The following IFNGR2 variants were observed in gnomAD, a reference collection of about 807,000 sequenced individuals.
IFNGR2 encodes the protein interferon gamma receptor 2.
IFNGR2 carries 15 observed loss-of-function variants against 41.1 expected under a neutral mutation model. That is an observed-to-expected ratio of 0.37 (90% CI 0.24 to 0.56). The LOEUF (loss-of-function observed/expected upper bound fraction) is 0.56, where lower values mean the gene tolerates loss of function less well. Ranked by LOEUF, IFNGR2 falls within the 20% of genes least tolerant of loss-of-function variation. The probability of loss-of-function intolerance (pLI) is 0.81; values close to 1 mark genes in which losing one functional copy is unlikely to be tolerated. For synonymous variants in IFNGR2, 161 were observed against 171.6 expected (o/e 0.94, Z 0.48); for missense variants, 362 against 415.7 (o/e 0.87, Z 1.12).
At chr21:33,406,315 C>T (rs1447766159) in intron 1 of IFNGR2, among the ~76,000 whole-genome samples, 1 of 151,770 alleles carries the variant, frequency 6.6e-6, no homozygotes, top group African/African-American at 2.4e-5. Flanking sequence ...GGGGAGGTTG[C>T]AGTGAGCCGA....
Position 33,432,706 on chromosome 21 carries a change from CTT to C in IFNGR2, c.722-4_722-3del, listed in dbSNP as rs752966235. 1.5e-5 allele frequency: 25 copies of C among 1,614,056 alleles called. No homozygotes were observed. Among genetic ancestry groups the C allele is most frequent in the Non-Finnish European group, 3.4e-6 (4 of 1,179,970 alleles). Reference sequence around the variant, plus strand: ...ATCATTCTGTTCACTTTCGTGTCCTCTTTTTAGCCTCCACTGAGCTTCAGCAA... The same window carrying C: ...ATCATTCTGTTCACTTTCGTGTCCTCTTTAGCCTCCACTGAGCTTCAGCAA... On this transcript the variant is annotated splice_polypyrimidine_tract_variant and splice_region_variant and intron_variant, in intron 5 of 6. Transcript: ENST00000290219.
intron 3 of IFNGR2, among the ~76,000 whole-genome samples, chr21:33,422,167 G>T (rs1184785089): frequency 6.6e-6 from 1 of 152,212 alleles, no homozygotes; most frequent in African/African-American, 2.4e-5. Flanking sequence ...CACCTTGAAT[G>T]GTGCCTGGCA....
chr21:33,420,043 C>A (rs1203621636), intron 2 of IFNGR2, among the ~76,000 whole-genome samples: 1 of 152,186 alleles, frequency 6.6e-6, no homozygotes, highest in African/African-American at 2.4e-5. Context: ...ATCCCTCTCC[C>A]CATTAGGGTC....
chr21:33,403,538 G>A lies in IFNGR2; in HGVS notation c.-6G>A, dbSNP rs769756592. On this transcript the variant is annotated 5_prime_UTR_variant, in exon 1 of 7. Transcript: ENST00000290219. Reference sequence around the variant, plus strand: ...CGACCTGAGCCGCCGCCGAGCGCCCGGGGCCATGCGACCGACGCTGCTGTG... The same window carrying A: ...CGACCTGAGCCGCCGCCGAGCGCCCAGGGCCATGCGACCGACGCTGCTGTG... 2 of 1,304,456 alleles carry A rather than the reference G, an allele frequency of 1.5e-6. No homozygotes were observed. Among genetic ancestry groups the A allele is most frequent in the South Asian group, 3.8e-5 (2 of 52,876 alleles). 80.8% of individuals were successfully genotyped at this position (1,304,456 alleles called of 1,614,324 possible).
At chr21:33,431,087 A>G (rs1363500691) in intron 4 of IFNGR2, among the ~76,000 whole-genome samples, 1 of 152,150 alleles carries the variant, frequency 6.6e-6, no homozygotes, top group African/African-American at 2.4e-5. Flanking sequence ...GAGACACAGA[A>G]CCTTCCTAGA....
intron 3 of IFNGR2, among the ~76,000 whole-genome samples, chr21:33,423,095 A>G (rs1453986021): frequency 3.1e-4 from 40 of 130,216 alleles, no homozygotes; most frequent in Non-Finnish European, 6.1e-4. Context: ...GCTGGAGTGC[A>G]GTGGCGCAAT....
chr21:33,432,414 G>A (rs771863615), intron 5 of IFNGR2, 78 bp downstream of exon 5: 147 of 1,379,356 alleles, frequency 1.1e-4, no homozygotes, highest in Non-Finnish European at 1.4e-4. Flanking sequence ...GAATGCTTAT[G>A]AGGTCATGGG....
intron 1 of IFNGR2, among the ~76,000 whole-genome samples, chr21:33,408,513 T>C (rs1224635828): frequency 6.6e-6 from 1 of 152,092 alleles, no homozygotes; most frequent in Non-Finnish European, 1.5e-5. Context: ...TTCCTAAATA[T>C]GCATAAAGTC....
At chr21:33,427,517 C>T (rs2083848670) in intron 4 of IFNGR2, among the ~76,000 whole-genome samples, 1 of 152,184 alleles carries the variant, frequency 6.6e-6, no homozygotes, top group South Asian at 2.1e-4. Flanking sequence ...GAAGGCGTGG[C>T]ATACGTGGAG....
chr21:33,411,280 T>A (rs1316907873), intron 1 of IFNGR2, among the ~76,000 whole-genome samples: 2 of 152,220 alleles, frequency 1.3e-5, no homozygotes, highest in Non-Finnish European at 2.9e-5. Flanking sequence ...GCCCTTTTGC[T>A]GTTCCACGCG....
At chr21:33,414,830 A>C in intron 1 of IFNGR2, 58 bp from the exon 2 acceptor site, 1 of 1,529,110 alleles carries the variant, frequency 6.5e-7, no homozygotes, top group Non-Finnish European at 8.9e-7. Context: ...ACATTTTTGT[A>C]ATTATTTCCC....
chr21:33,410,309 G>A (rs1230319045), intron 1 of IFNGR2, among the ~76,000 whole-genome samples: 1 of 151,498 alleles, frequency 6.6e-6, no homozygotes, highest in Non-Finnish European at 1.5e-5. Context: ...TTGAATTACA[G>A]GCACCCACCA....
intron 1 of IFNGR2, among the ~76,000 whole-genome samples, chr21:33,412,889 T>A (rs1043532882): frequency 6.6e-6 from 1 of 152,182 alleles, no homozygotes; most frequent in Admixed American, 6.5e-5. Flanking sequence ...ATTTACAGTT[T>A]GGTCCGGAGA....
intron 2 of IFNGR2, among the ~76,000 whole-genome samples, chr21:33,417,079 C>T (rs972657681): frequency 2.0e-5 from 3 of 151,334 alleles, no homozygotes; most frequent in African/African-American, 7.3e-5. Flanking sequence ...ACCACCCCAC[C>T]CGGTTCAGAT....
chr21:33,425,510 A>C (rs1029264100), intron 3 of IFNGR2, among the ~76,000 whole-genome samples: 1 of 152,150 alleles, frequency 6.6e-6, no homozygotes, highest in Non-Finnish European at 1.5e-5. Context: ...ATGCCCAAAG[A>C]ATGTGTCCAA....
At chr21:33,416,344 A>C (rs2083753129) in intron 2 of IFNGR2, among the ~76,000 whole-genome samples, 1 of 152,258 alleles carries the variant, frequency 6.6e-6, no homozygotes, top group African/African-American at 2.4e-5. Flanking sequence ...TAGAAAGGAT[A>C]ATTAGATGTC....
intron 1 of IFNGR2, among the ~76,000 whole-genome samples, chr21:33,413,823 A>G (rs1363408778): frequency 8.7e-6 from 1 of 115,368 alleles, no homozygotes; most frequent in Non-Finnish European, 1.8e-5. Flanking sequence ...ATTGCCCCCT[A>G]ACCTTTTTTT....
intron 3 of IFNGR2, among the ~76,000 whole-genome samples, chr21:33,425,537 T>A (rs1424470979): frequency 6.6e-6 from 1 of 152,184 alleles, no homozygotes; most frequent in Non-Finnish European, 1.5e-5. Context: ...TCCCTGCAGG[T>A]GCTTCTGCAA....
chr21:33,423,331 ACC>A (rs1341187568), intron 3 of IFNGR2, among the ~76,000 whole-genome samples: 3 of 149,128 alleles, frequency 2.0e-5, no homozygotes, highest in Non-Finnish European at 4.5e-5. Flanking sequence ...GAGCCACCGC[ACC>A]CAGCCTATCT....
Sources: allele counts gnomAD v4.1 joint callset (sites outside exome capture counted in the v4.1 genomes callset), GRCh38; gene constraint gnomAD v4.1.1; transcripts MANE v1.5; gene names NCBI Gene and HGNC (gene_info 2026-07-23, HGNC 2026-07-21).